Variants in ZNF469 observed in about 807,000 individuals in gnomAD.
ZNF469 encodes zinc finger protein 469.
In ZNF469, 1 loss-of-function variant was observed where a neutral mutation model predicts 1.0. The ratio of observed to expected loss-of-function variants is 1.00; its 90% CI spans 0.35 to 4.73. The LOEUF (loss-of-function observed/expected upper bound fraction) is 4.73, where lower values mean the gene tolerates loss of function less well. ZNF469 is among the 30% of genes most tolerant of loss of function. The probability of loss-of-function intolerance (pLI) is 0.16; values close to 1 mark genes in which losing one functional copy is unlikely to be tolerated. For missense variants in ZNF469, 6,100 were observed against 5,356.3 expected (o/e 1.14, Z -4.33); for synonymous variants, 2,703 against 2,363.4 (o/e 1.14, Z -4.17).
At chr16:88,186,970 C>A in the ZNF469 span, among the ~76,000 whole-genome samples, 1 of 152,120 alleles carries the variant, frequency 6.6e-6, no homozygotes, top group Admixed American at 6.5e-5. Flanking sequence ...CAGAGACGGG[C>A]TCCAGGGAGG....
the ZNF469 span, among the ~76,000 whole-genome samples, chr16:88,148,178 C>T: frequency 6.6e-6 from 1 of 152,176 alleles, no homozygotes; most frequent in Non-Finnish European, 1.5e-5. Flanking sequence ...CCAGTTCCTC[C>T]CACGCATCAA....
At chr16:88,397,605 A>ATGGATGGATGGATGGG (rs1555516241) in intron 1 of ZNF469, among the ~76,000 whole-genome samples, 1 of 147,010 alleles carries the variant, frequency 6.8e-6, no homozygotes, top group Non-Finnish European at 1.5e-5. Flanking sequence ...TATATGTGTG[A>ATGGATGGATGGATGGG]TGGATGGATG....
At chr16:88,211,551 CTG>C in the ZNF469 span, among the ~76,000 whole-genome samples, 6 of 151,828 alleles carry the variant, frequency 4.0e-5, no homozygotes, top group African/African-American at 1.5e-4. Flanking sequence ...GTAACAAAGA[CTG>C]GGCTCTGTCA....
the ZNF469 span, among the ~76,000 whole-genome samples, chr16:88,259,915 A>AT: frequency 6.6e-6 from 1 of 151,900 alleles, no homozygotes; most frequent in Non-Finnish European, 1.5e-5. The surrounding 1 kb of genome is among the most constrained non-coding windows in gnomAD (Gnocchi z 4.1). Flanking sequence ...AGATTTACAT[A>AT]TTTTTTCTGT....
the ZNF469 span, among the ~76,000 whole-genome samples, chr16:88,146,512 C>G: frequency 6.6e-6 from 1 of 152,118 alleles, no homozygotes; most frequent in Non-Finnish European, 1.5e-5. Context: ...GGCACCCTCC[C>G]CCCAGTCTCA....
the ZNF469 span, among the ~76,000 whole-genome samples, chr16:88,285,515 GT>G: frequency 1.3e-5 from 2 of 152,252 alleles, no homozygotes; most frequent in Non-Finnish European, 2.9e-5. Flanking sequence ...AAAGAGCAGG[GT>G]CAGCCTGGTC....
chr16:88,222,891 A>C, the ZNF469 span, among the ~76,000 whole-genome samples: 1 of 152,156 alleles, frequency 6.6e-6, no homozygotes, highest in Admixed American at 6.5e-5. Flanking sequence ...GGGCCACCAC[A>C]CTCATCCCAA....
the ZNF469 span, among the ~76,000 whole-genome samples, chr16:88,175,957 A>T: frequency 6.6e-6 from 1 of 152,254 alleles, no homozygotes; most frequent in Non-Finnish European, 1.5e-5. Context: ...CTGTACGATT[A>T]TCCTTCCTAA....
At chr16:88,143,777 G>C in the ZNF469 span, among the ~76,000 whole-genome samples, 1 of 152,228 alleles carries the variant, frequency 6.6e-6, no homozygotes, top group African/African-American at 2.4e-5. Flanking sequence ...GGCTGGATGT[G>C]TCCTCTGATC....
the ZNF469 span, among the ~76,000 whole-genome samples, chr16:88,155,558 C>T: frequency 6.6e-6 from 1 of 152,220 alleles, no homozygotes; most frequent in South Asian, 2.1e-4. Context: ...ACCGGGATCA[C>T]ACAAGACGTG....
chr16:88,133,114 C>T, the ZNF469 span, among the ~76,000 whole-genome samples: 3 of 152,228 alleles, frequency 2.0e-5, no homozygotes, highest in African/African-American at 7.2e-5. Flanking sequence ...AGAGCACTGC[C>T]TGCGATCAAC....
chr16:88,420,399 G>A (rs542588994), intron 1 of ZNF469, among the ~76,000 whole-genome samples: 6 of 152,228 alleles, frequency 3.9e-5, no homozygotes, highest in South Asian at 2.1e-4. Flanking sequence ...CTGCGTGAGC[G>A]TTGATATCAG....
chr16:88,358,929 A>T, the ZNF469 span, among the ~76,000 whole-genome samples: 1 of 152,018 alleles, frequency 6.6e-6, no homozygotes, highest in African/African-American at 2.4e-5. Context: ...GACACCTGGG[A>T]TGCTTCCAGT....
chr16:88,173,990 C>T, the ZNF469 span, among the ~76,000 whole-genome samples: 1 of 151,976 alleles, frequency 6.6e-6, no homozygotes, highest in African/African-American at 2.4e-5. Flanking sequence ...AAATTTAAAT[C>T]AAACATAATC....
the ZNF469 span, among the ~76,000 whole-genome samples, chr16:88,285,780 G>A: frequency 3.3e-5 from 5 of 152,254 alleles, no homozygotes; most frequent in African/African-American, 1.2e-4. Flanking sequence ...TCTGGCAGGG[G>A]CCACCATGTT....
In ZNF469 at chr16:88,430,368, G is replaced by T; in HGVS notation, c.2898G>T (p.Gly966=). The T allele has an allele frequency of 4.6e-6, 7 of 1,512,168 alleles. No homozygotes were observed. The highest frequency in any genetic ancestry group is 6.2e-6 in the Non-Finnish European group (7 of 1,134,748). The allele number at this position is 1,512,168 out of a possible 1,614,324, so 93.7% of individuals were successfully genotyped here. ...TGGACTCGGGCGGCGCAGCAGAGGG[G>T]TCGGGGTCGGGCGGCGGCGGCAGAG... ...KDLDSGGAAE[G]SGSGGGGRAS... The change falls in exon 3 of 3, where the codon GGG becomes GGT. Residue 966 remains glycine (G), a synonymous_variant. Transcript: ENST00000565624.
At chr16:88,163,703 G>A in the ZNF469 span, among the ~76,000 whole-genome samples, 2 of 151,302 alleles carry the variant, frequency 1.3e-5, no homozygotes, top group South Asian at 4.2e-4. Context: ...GATGTATGAT[G>A]GATGGGTGAG....
chr16:88,301,662 G>A, the ZNF469 span, among the ~76,000 whole-genome samples: 1 of 152,206 alleles, frequency 6.6e-6, no homozygotes, highest in Admixed American at 6.5e-5. Context: ...GAGCCTGCTG[G>A]GAGTGGTCAT....
At chr16:88,188,285 C>A in the ZNF469 span, among the ~76,000 whole-genome samples, 3 of 151,948 alleles carry the variant, frequency 2.0e-5, no homozygotes, top group Admixed American at 6.6e-5. Context: ...CGACTGAGCA[C>A]CCGTGTAACT....
Sources: allele counts gnomAD v4.1 joint callset (sites outside exome capture counted in the v4.1 genomes callset), GRCh38; gene constraint gnomAD v4.1.1; non-coding constraint Gnocchi (gnomAD v3.1); transcripts MANE v1.5; gene names NCBI Gene and HGNC (gene_info 2026-07-23, HGNC 2026-07-21).